DCC: variants seen among roughly 807,000 people sequenced by gnomAD.
DCC encodes the protein netrin receptor DCC.
In DCC, 58 loss-of-function variants were observed where a neutral mutation model predicts 172.5. That is an observed-to-expected ratio of 0.34 (90% CI 0.27 to 0.42). The LOEUF is 0.42. Ranked by LOEUF, DCC falls within the 10% of genes least tolerant of loss-of-function variation. The pLI, the probability that DCC is intolerant of heterozygous loss-of-function variation, is 1.00. For synonymous variants in DCC, 709 were observed against 644.5 expected (o/e 1.10, Z -1.52); for missense variants, 1,740 against 1,791.0 (o/e 0.97, Z 0.51).
intron 2 of DCC, among the ~76,000 whole-genome samples, chr18:52,802,236 G>T (rs1428313174): frequency 6.6e-6 from 1 of 152,054 alleles, no homozygotes; most frequent in Non-Finnish European, 1.5e-5. Context: ...GTTGGAGAAA[G>T]TTATCTCTAG....
At chr18:53,105,003 G>A (rs1418282470) in intron 7 of DCC, among the ~76,000 whole-genome samples, 1 of 152,010 alleles carries the variant, frequency 6.6e-6, no homozygotes, top group East Asian at 1.9e-4. Context: ...ATGCATTCTA[G>A]TTTTCATGCA....
At chr18:53,198,989 A>G (rs946868770) in intron 9 of DCC, among the ~76,000 whole-genome samples, 2 of 152,194 alleles carry the variant, frequency 1.3e-5, no homozygotes, top group South Asian at 2.1e-4. Context: ...CTTGACTGAC[A>G]TACTAAAATG....
intron 9 of DCC, among the ~76,000 whole-genome samples, chr18:53,180,387 TG>T: frequency 6.6e-6 from 1 of 152,338 alleles, no homozygotes; most frequent in East Asian, 1.9e-4. Flanking sequence ...GACAATTATT[TG>T]GAAATGCAGG....
chr18:53,259,911 C>T (rs1384569055), intron 12 of DCC, among the ~76,000 whole-genome samples: 1 of 139,544 alleles, frequency 7.2e-6, no homozygotes, highest in Non-Finnish European at 1.6e-5. Flanking sequence ...TGTTCTTTTT[C>T]TTTTTTCTCT....
chr18:52,819,636 TGTTA>T (rs2038367851), intron 2 of DCC, among the ~76,000 whole-genome samples: 1 of 152,168 alleles, frequency 6.6e-6, no homozygotes. Flanking sequence ...AGACGTCAGT[TGTTA>T]GTGAGGTGTG....
chr18:52,835,595 G>C (rs964767783), intron 2 of DCC, among the ~76,000 whole-genome samples: 23 of 152,144 alleles, frequency 1.5e-4, no homozygotes, highest in Non-Finnish European at 2.4e-4. Context: ...AAAATTTACA[G>C]CTTCAAAGAA....
intron 5 of DCC, among the ~76,000 whole-genome samples, chr18:52,970,314 A>C (rs4940230): frequency 0.15 from 23,069 of 152,072 alleles, 2,019 homozygotes; most frequent in East Asian, 0.33. Context: ...CCTTTGTCAC[A>C]TGTAAAGATA....
At chr18:52,685,972 C>A (rs532592261) in intron 1 of DCC, among the ~76,000 whole-genome samples, 28 of 152,184 alleles carry the variant, frequency 1.8e-4, no homozygotes, top group Non-Finnish European at 2.9e-4. Flanking sequence ...ACTGGATGTT[C>A]CTGTATCAAC....
At chr18:53,047,902 GAT>G (rs2042278500) in intron 5 of DCC, among the ~76,000 whole-genome samples, 1 of 129,636 alleles carries the variant, frequency 7.7e-6, no homozygotes, top group Admixed American at 7.1e-5. Context: ...TTTCCTTCGA[GAT>G]GTGTGTGTGT....
intron 15 of DCC, among the ~76,000 whole-genome samples, chr18:53,352,700 G>A (rs576489474): frequency 6.6e-6 from 1 of 152,196 alleles, no homozygotes; most frequent in African/African-American, 2.4e-5. Flanking sequence ...TTTAATCAAA[G>A]TGTTTAGACC....
intron 2 of DCC, among the ~76,000 whole-genome samples, chr18:52,832,222 G>T (rs1266214038): frequency 2.0e-5 from 3 of 152,112 alleles, no homozygotes; most frequent in Non-Finnish European, 4.4e-5. Flanking sequence ...CAGCAGATGT[G>T]GAGGTTGGAT....
At chr18:52,355,412 T>A (rs1984317854) in intron 1 of DCC, among the ~76,000 whole-genome samples, 1 of 152,120 alleles carries the variant, frequency 6.6e-6, no homozygotes. Context: ...TGGGTGCAAA[T>A]CTTGGCTCTA....
intron 1 of DCC, among the ~76,000 whole-genome samples, chr18:52,619,695 A>C (rs970675135): frequency 1.5e-4 from 22 of 149,716 alleles, no homozygotes; most frequent in African/African-American, 5.4e-4. Flanking sequence ...AAAATGAATG[A>C]GCCATCATTT....
intron 1 of DCC, among the ~76,000 whole-genome samples, chr18:52,346,333 C>CACTCT (rs1439581956): frequency 6.6e-6 from 1 of 152,150 alleles, no homozygotes; most frequent in East Asian, 1.9e-4. Context: ...TTCTTTCTCT[C>CACTCT]ACTCTAGAAT....
chr18:53,264,549 AT>A (rs1555741987), intron 12 of DCC, among the ~76,000 whole-genome samples: 1 of 151,862 alleles, frequency 6.6e-6, no homozygotes, highest in Non-Finnish European at 1.5e-5. Flanking sequence ...TCCCCATGCA[AT>A]GCTCTTGGCT....
intron 1 of DCC, among the ~76,000 whole-genome samples, chr18:52,515,526 G>A (rs900091360): frequency 6.2e-5 from 9 of 144,624 alleles, no homozygotes; most frequent in African/African-American, 2.0e-4. Flanking sequence ...AGAATGGCGT[G>A]AACCCAGGAG....
chr18:52,837,535 C>T (rs1328659423), intron 2 of DCC, among the ~76,000 whole-genome samples: 1 of 152,150 alleles, frequency 6.6e-6, no homozygotes, highest in Non-Finnish European at 1.5e-5. Flanking sequence ...TACTCCAGTT[C>T]CCAATAAGTT....
At chr18:52,578,885 G>A in intron 1 of DCC, among the ~76,000 whole-genome samples, 1 of 152,142 alleles carries the variant, frequency 6.6e-6, no homozygotes, top group East Asian at 1.9e-4. Context: ...GGAGGCTGAG[G>A]CGGGAGAATG....
intron 5 of DCC, among the ~76,000 whole-genome samples, chr18:52,962,619 G>A (rs2040860350): frequency 6.6e-6 from 1 of 151,768 alleles, no homozygotes; most frequent in Non-Finnish European, 1.5e-5. Flanking sequence ...ATACCCAAAG[G>A]ACTATAAATC....
Sources: allele counts gnomAD v4.1 joint callset (sites outside exome capture counted in the v4.1 genomes callset), GRCh38; gene constraint gnomAD v4.1.1; transcripts MANE v1.5; gene names NCBI Gene and HGNC (gene_info 2026-07-23, HGNC 2026-07-21).